PYY: variants seen among roughly 807,000 people sequenced by gnomAD.
PYY encodes peptide YY.
In PYY, 12 loss-of-function variants were observed where a neutral mutation model predicts 10.3. That is an observed-to-expected ratio of 1.17 (90% confidence interval 0.75 to 1.89). PYY has a LOEUF of 1.89. Among genes scored for constraint, PYY ranks in the 40% most tolerant of loss-of-function variants. PYY has a pLI of 0.00. For missense variants in PYY, 141 were observed against 134.0 expected (o/e 1.05, Z -0.26); for synonymous variants, 66 against 62.0 (o/e 1.06, Z -0.30).
chr17:43,958,527 A>G (rs780329371), upstream of PYY, among the ~76,000 whole-genome samples: 82 of 152,096 alleles, frequency 5.4e-4, no homozygotes, highest in Non-Finnish European at 8.1e-4. Flanking sequence ...TTACAGGCAC[A>G]TGCCACCACG....
intron 1 of PYY, among the ~76,000 whole-genome samples, chr17:43,993,150 C>G (rs1466934937): frequency 1.3e-5 from 2 of 151,972 alleles, no homozygotes; most frequent in African/African-American, 4.8e-5. Flanking sequence ...CCTATCTCTA[C>G]AAAAAAATAC....
At chr17:43,972,165 T>C (rs1175809699) in intron 1 of PYY, among the ~76,000 whole-genome samples, 1 of 146,438 alleles carries the variant, frequency 6.8e-6, no homozygotes, top group Non-Finnish European at 1.5e-5. Context: ...TTTATGTTAC[T>C]TTAGTTATTT....
chr17:43,991,078 C>T (rs1597857835), intron 1 of PYY, among the ~76,000 whole-genome samples: 1 of 151,822 alleles, frequency 6.6e-6, no homozygotes, highest in Non-Finnish European at 1.5e-5. Context: ...CCACCGCGCC[C>T]GGCCTAGGAT....
At chr17:43,986,119 T>A (rs1003055515) in intron 1 of PYY, among the ~76,000 whole-genome samples, 5 of 152,152 alleles carry the variant, frequency 3.3e-5, no homozygotes, top group African/African-American at 1.2e-4. Flanking sequence ...ATTAGTCGGA[T>A]GTAGTGGTGC....
chr17:43,979,964 T>C (rs920038030), intron 1 of PYY, among the ~76,000 whole-genome samples: 21 of 152,102 alleles, frequency 1.4e-4, no homozygotes, highest in African/African-American at 5.1e-4. Context: ...TCAATGGATT[T>C]TCACAAACAA....
chr17:43,960,845 G>A lies in PYY; in HGVS notation c.-217-2817C>T, dbSNP rs368964778. Reference sequence around the variant, plus strand: ...AACCTGGGTGATAGAGTAAGACTCCGTCGCAAAAAAAAAAAAAACGGTGTT... The same window carrying A: ...AACCTGGGTGATAGAGTAAGACTCCATCGCAAAAAAAAAAAAAACGGTGTT... On this transcript the variant is annotated intron_variant, in intron 2 of 6. Coordinates refer to the PYY transcript ENST00000360085. Among the ~76,000 whole-genome samples the A allele has an allele frequency of 1.1e-4, 11 of 102,634 alleles. 1 individual carries two copies. Among genetic ancestry groups the A allele is most frequent in the South Asian group, 4.4e-4 (1 of 2,278 alleles). 67.3% of individuals were successfully genotyped at this position (102,634 alleles called of 152,430 possible). A position where few individuals can be genotyped will look rare whatever the true frequency, so the allele number is the denominator to read the frequency against.
chr17:44,000,302 T>C (rs932638547), intron 1 of PYY, among the ~76,000 whole-genome samples: 6 of 152,142 alleles, frequency 3.9e-5, no homozygotes, highest in Admixed American at 2.6e-4. Flanking sequence ...TTGATCAGGG[T>C]TTCTGTCACA....
At chr17:43,963,111 C>T (rs927578077) in intron 2 of PYY, among the ~76,000 whole-genome samples, 1 of 152,172 alleles carries the variant, frequency 6.6e-6, no homozygotes. Context: ...TAGAAAAACT[C>T]TCTGGTGAAG....
At chr17:43,962,419 A>AT (rs2048718297) in intron 2 of PYY, among the ~76,000 whole-genome samples, 1 of 152,218 alleles carries the variant, frequency 6.6e-6, no homozygotes, top group Admixed American at 6.5e-5. Flanking sequence ...CTGCAACCAA[A>AT]TTAACACATC....
chr17:43,953,205 G>T lies in PYY; in HGVS notation c.189-16C>A. ...TTTCCCATACCTGGGGGCGGGGAAG[G>T]GAAGAGCGTGGTCAGATCTGGCCAC... is the stretch of plus-strand genomic sequence containing the variant. On this transcript the variant is annotated splice_polypyrimidine_tract_variant and intron_variant, in intron 2 of 3. Transcript: ENST00000692052. 6.2e-7 allele frequency: 1 copy of T among 1,613,612 alleles called. No homozygotes were observed. The highest frequency in any genetic ancestry group is 1.1e-5 in the South Asian group (1 of 91,048).
upstream of PYY, chr17:43,958,148 A>AAAAAAAAAAAAAAC (rs1567926282): frequency 6.7e-6 from 1 of 149,664 alleles, no homozygotes; most frequent in Admixed American, 6.6e-5. Context: ...AAAAAAAAAA[A>AAAAAAAAAAAAAAC]AAAAAAAAAG....
chr17:43,986,979 T>C lies in PYY; in HGVS notation c.-463+17412A>G, dbSNP rs76756833. ...TAGGGAAACTGAGGCTCAGAGAGAT[T>C]ATGCGACCTGCCCAAGTTCCTACAG... is the stretch of plus-strand genomic sequence containing the variant. On this transcript the variant is annotated intron_variant, in intron 1 of 6. Transcript: ENST00000360085. Among the ~76,000 whole-genome samples the C allele has an allele frequency of 3.0e-4, 46 of 152,302 alleles. No individual in the cohort carries two copies. The East Asian group carries it at 8.5e-3, about 28-fold the overall frequency.
intron 1 of PYY, among the ~76,000 whole-genome samples, chr17:43,971,567 C>CT (rs2048793409): frequency 8.1e-6 from 1 of 123,260 alleles, no homozygotes. Context: ...AAGGCTCTGT[C>CT]TCAAAAAAAA....
intron 1 of PYY, among the ~76,000 whole-genome samples, chr17:43,999,051 G>C (rs756005170): frequency 1.2e-4 from 19 of 152,148 alleles, no homozygotes; most frequent in Non-Finnish European, 2.6e-4. Context: ...AAAGGACCAA[G>C]GCCTGAGCTC....
Position 43,952,841 on chromosome 17 carries a change from G to T in PYY, c.*115C>A. On this transcript the variant is annotated 3_prime_UTR_variant, in exon 4 of 4. Coordinates refer to ENST00000692052, the MANE Select transcript of PYY (RefSeq NM_001394028.1). Reference sequence around the variant, plus strand: ...GAGACGCGGGCGGAGGGCCGCACCCGAACCCTGCCCAGACGCCGCCGTCGG... The same window carrying T: ...GAGACGCGGGCGGAGGGCCGCACCCTAACCCTGCCCAGACGCCGCCGTCGG... 1.6e-6 allele frequency: 2 copies of T among 1,252,450 alleles called. No homozygotes were observed. Among genetic ancestry groups the T allele is most frequent in the South Asian group, 1.6e-5 (1 of 61,382 alleles). The allele number at this position is 1,252,450 out of a possible 1,614,324, so 77.6% of individuals were successfully genotyped here.
chr17:43,962,958 T>C (rs2048722755), intron 2 of PYY, among the ~76,000 whole-genome samples: 1 of 151,874 alleles, frequency 6.6e-6, no homozygotes, highest in African/African-American at 2.4e-5. Context: ...GGATCAAAAT[T>C]AAGCAGCACA....
At chr17:43,964,136 G>T (rs1763542927) in intron 2 of PYY, among the ~76,000 whole-genome samples, 1 of 152,194 alleles carries the variant, frequency 6.6e-6, no homozygotes, top group Non-Finnish European at 1.5e-5. Flanking sequence ...CTCCTGAGCA[G>T]CTGGGACTAC....
chr17:43,990,328 AC>A (rs2048948058), intron 1 of PYY, among the ~76,000 whole-genome samples: 2 of 151,268 alleles, frequency 1.3e-5, no homozygotes, highest in East Asian at 1.9e-4. Context: ...AATCTCAGCT[AC>A]TCGGGAGGCT....
chr17:43,963,565 G>GAA lies in PYY; in HGVS notation c.-218+2721_-218+2722dup, dbSNP rs1172149155. On this transcript the variant is annotated intron_variant, in intron 2 of 6. Transcript: ENST00000360085. Reference sequence around the variant, plus strand: ...GAAGGAAGGGAAGGAAGGAAGGAAGGAAGGAAAAGAAAGAAAGAAAGAAAG... The same window carrying GAA: ...GAAGGAAGGGAAGGAAGGAAGGAAGGAAAAGGAAAAGAAAGAAAGAAAGAAAG... Among the ~76,000 whole-genome samples the GAA allele has an allele frequency of 5.9e-3, 576 of 96,886 alleles. 4 individuals are homozygous for GAA. The highest frequency in any genetic ancestry group is 0.024 in the African/African-American group (542 of 22,606). 63.6% of individuals were successfully genotyped at this position (96,886 alleles called of 152,430 possible).
Sources: gnomAD v4.1 joint callset for allele counts (sites outside exome capture counted in the v4.1 genomes callset) on GRCh38, gnomAD v4.1.1 for gene constraint, MANE v1.5 for transcripts, NCBI Gene and HGNC (gene_info 2026-07-23, HGNC 2026-07-21) for gene names.